The following ADAM29 variants were observed in gnomAD, a reference collection of about 807,000 sequenced individuals.
The protein encoded by ADAM29 is disintegrin and metalloproteinase domain-containing protein 29.
For synonymous variants in ADAM29, 367 were observed against 342.3 expected (o/e 1.07, Z -0.80); for missense variants, 969 against 1,001.8 (o/e 0.97, Z 0.44).
chr4:174,946,956 C>T (rs530220825), intron 4 of ADAM29, among the ~76,000 whole-genome samples: 4 of 152,222 alleles, frequency 2.6e-5, no homozygotes, highest in East Asian at 3.9e-4. Flanking sequence ...TCCATTTCTT[C>T]CTGGTTCAGT....
chr4:174,943,661 A>C (rs1212723545), intron 4 of ADAM29, among the ~76,000 whole-genome samples: 2 of 152,120 alleles, frequency 1.3e-5, no homozygotes, highest in African/African-American at 4.8e-5. Context: ...TGGGGATTAC[A>C]ATTCAAGATG....
At chr4:174,932,487 T>G (rs965190598) in intron 3 of ADAM29, among the ~76,000 whole-genome samples, 1 of 151,936 alleles carries the variant, frequency 6.6e-6, no homozygotes, top group Non-Finnish European at 1.5e-5. Context: ...CCTCACAAGC[T>G]CCCTCAGGCC....
At chr4:174,924,503 T>G (rs540318094) in intron 2 of ADAM29, among the ~76,000 whole-genome samples, 65 of 152,318 alleles carry the variant, frequency 4.3e-4, no homozygotes, top group African/African-American at 1.5e-3. Flanking sequence ...CACAAAAACC[T>G]GCATGTCAAT....
chr4:174,921,208 T>G (rs944912462), intron 2 of ADAM29, among the ~76,000 whole-genome samples: 2 of 152,092 alleles, frequency 1.3e-5, no homozygotes, highest in Non-Finnish European at 2.9e-5. Flanking sequence ...ATGAAAACAG[T>G]CAATCAACTC....
intron 2 of ADAM29, among the ~76,000 whole-genome samples, chr4:174,927,459 T>TA (rs1743585154): frequency 6.6e-6 from 1 of 152,344 alleles, no homozygotes; most frequent in East Asian, 1.9e-4. Context: ...TATTTGATTT[T>TA]AAAAAATTTC....
chr4:174,960,998 G>T (rs2111059129), intron 4 of ADAM29, among the ~76,000 whole-genome samples: 1 of 152,228 alleles, frequency 6.6e-6, no homozygotes, highest in Middle Eastern at 3.4e-3. Flanking sequence ...TACGTTAACT[G>T]ATCTGCTTTC....
At chr4:174,933,487 A>G (rs1054604193) in intron 3 of ADAM29, among the ~76,000 whole-genome samples, 3 of 152,004 alleles carry the variant, frequency 2.0e-5, no homozygotes, top group Admixed American at 1.3e-4. Context: ...TAAAAAAAAA[A>G]CTTTTAGGTT....
intron 4 of ADAM29, among the ~76,000 whole-genome samples, chr4:174,965,740 C>G (rs182269653): frequency 1.3e-5 from 2 of 151,506 alleles, no homozygotes; most frequent in South Asian, 4.1e-4. Context: ...GGAGGAGAGA[C>G]GTGGTGTCCT....
At chr4:174,963,232 A>T (rs1745953591) in intron 4 of ADAM29, among the ~76,000 whole-genome samples, 2 of 152,232 alleles carry the variant, frequency 1.3e-5, no homozygotes, top group Non-Finnish European at 2.9e-5. Context: ...AGGGGGACAA[A>T]TCTGGACTGT....
chr4:174,971,003 A>G (rs1746444557), intron 4 of ADAM29, among the ~76,000 whole-genome samples: 1 of 152,028 alleles, frequency 6.6e-6, no homozygotes. Flanking sequence ...GAGCTCTAAC[A>G]CCCTACCCCA....
intron 4 of ADAM29, among the ~76,000 whole-genome samples, chr4:174,959,375 T>A (rs1178418817): frequency 6.6e-6 from 1 of 151,860 alleles, no homozygotes; most frequent in African/African-American, 2.4e-5. Flanking sequence ...CCTTACCAGC[T>A]TCCTTCAAGA....
intron 4 of ADAM29, among the ~76,000 whole-genome samples, chr4:174,955,551 A>G (rs1440283913): frequency 6.6e-6 from 1 of 152,082 alleles, no homozygotes; most frequent in East Asian, 1.9e-4. Flanking sequence ...ATTAGGGGCA[A>G]TAAAGACAAG....
chr4:174,937,419 G>A (rs1385086734), intron 4 of ADAM29, among the ~76,000 whole-genome samples: 10 of 151,882 alleles, frequency 6.6e-5, no homozygotes, highest in Non-Finnish European at 1.0e-4. Context: ...TGAATCCTAA[G>A]TTATTTTACT....
intron 4 of ADAM29, among the ~76,000 whole-genome samples, chr4:174,963,943 A>AG (rs1746006666): frequency 3.9e-5 from 6 of 152,194 alleles, no homozygotes; most frequent in African/African-American, 1.4e-4. Flanking sequence ...TGCTGGGATT[A>AG]CAGGCATGAG....
intron 4 of ADAM29, among the ~76,000 whole-genome samples, chr4:174,961,050 A>C (rs930788831): frequency 1.3e-5 from 2 of 152,118 alleles, no homozygotes; most frequent in Non-Finnish European, 2.9e-5. Flanking sequence ...ACAAAAACCA[A>C]CCATTCTGGC....
chr4:174,976,101 C>A lies in ADAM29; in HGVS notation c.576C>A (p.Gly192=), dbSNP rs367723910. The A allele has an allele frequency of 2.3e-4, 364 of 1,612,488 alleles. No individual in the cohort carries two copies. The highest frequency in any genetic ancestry group is 3.0e-4 in the Non-Finnish European group (356 of 1,179,818). The part of the protein sequence containing the change: ...NSTQKQSSYV[G]WWIHFRIVEI... ...CTCAGAAGCAAAGTTCTTATGTGGG[C>A]TGGTGGATCCATTTTAGGATTGTTG... is the stretch of plus-strand genomic sequence containing the variant. The change falls in exon 5 of 5, where the codon GGC becomes GGA. Residue 192 remains glycine, a synonymous_variant. Transcript: ENST00000359240.
chr4:174,974,618 T>C (rs1349452203), intron 4 of ADAM29, among the ~76,000 whole-genome samples: 1 of 152,196 alleles, frequency 6.6e-6, no homozygotes, highest in African/African-American at 2.4e-5. Context: ...CATAATAAAG[T>C]GTAAACATAT....
intron 4 of ADAM29, among the ~76,000 whole-genome samples, chr4:174,946,558 A>G (rs1278932402): frequency 6.6e-6 from 1 of 152,126 alleles, no homozygotes; most frequent in Admixed American, 6.5e-5. Context: ...GAGAGAGGGT[A>G]TCCTTGTCTT....
intron 4 of ADAM29, among the ~76,000 whole-genome samples, chr4:174,958,955 T>G (rs942986112): frequency 1.3e-5 from 2 of 149,358 alleles, no homozygotes; most frequent in Non-Finnish European, 3.0e-5. Context: ...TTATTTTACT[T>G]ACTTATATTC....
Sources: gnomAD v4.1 joint callset for allele counts (sites outside exome capture counted in the v4.1 genomes callset) on GRCh38, gnomAD v4.1.1 for gene constraint, MANE v1.5 for transcripts, NCBI Gene and HGNC (gene_info 2026-07-23, HGNC 2026-07-21) for gene names.